Variants in ANKRD13C observed in about 807,000 individuals in gnomAD.
ANKRD13C encodes the protein ankyrin repeat domain-containing protein 13C.
Under a neutral mutation model 65.5 loss-of-function variants are expected in ANKRD13C, and 16 were observed. The observed-to-expected ratio is 0.24, with a 90% CI of 0.17 to 0.37. ANKRD13C has a LOEUF of 0.37. ANKRD13C is among the 10% of genes least tolerant of loss of function. ANKRD13C has a pLI of 1.00. For missense variants in ANKRD13C, 503 were observed against 655.9 expected, an observed-to-expected ratio of 0.77 and a Z score of 2.55; for synonymous variants, 235 against 238.7, an observed-to-expected ratio of 0.98 and a Z score of 0.14.
chr1:70,336,882 T>C (rs1213625010), intron 1 of ANKRD13C, among the ~76,000 whole-genome samples: 2 of 152,206 alleles, frequency 1.3e-5, no homozygotes, highest in African/African-American at 4.8e-5. Flanking sequence ...GTTGATGTTA[T>C]AGAATGACGA....
intron 7 of ANKRD13C, among the ~76,000 whole-genome samples, chr1:70,297,528 G>A (rs1161658664): frequency 5.4e-5 from 8 of 147,738 alleles, no homozygotes; most frequent in African/African-American, 1.7e-4. Context: ...TCCTGACCTC[G>A]TGATCCGCCC....
intron 1 of ANKRD13C, among the ~76,000 whole-genome samples, chr1:70,339,890 C>T (rs1451004374): frequency 4.0e-5 from 6 of 149,716 alleles, no homozygotes; most frequent in Non-Finnish European, 7.4e-5. Flanking sequence ...TGCTCTGTCA[C>T]CCAGGCTGGA....
At chr1:70,268,990 T>C (rs539281863) in intron 12 of ANKRD13C, among the ~76,000 whole-genome samples, 3 of 152,160 alleles carry the variant, frequency 2.0e-5, no homozygotes, top group African/African-American at 7.2e-5. Flanking sequence ...CTGCACCCAC[T>C]AACTCGTCAT....
chr1:70,273,003 A>G (rs1042947185), intron 11 of ANKRD13C, among the ~76,000 whole-genome samples: 1 of 150,914 alleles, frequency 6.6e-6, no homozygotes, highest in Non-Finnish European at 1.5e-5. Flanking sequence ...ATAAATAAAT[A>G]AATAAATAAA....
chr1:70,340,828 T>TG (rs1682275526), intron 1 of ANKRD13C, among the ~76,000 whole-genome samples: 1 of 152,100 alleles, frequency 6.6e-6, no homozygotes, highest in African/African-American at 2.4e-5. Context: ...TAAAACCTAT[T>TG]GGGGGCGGGC....
intron 1 of ANKRD13C, among the ~76,000 whole-genome samples, chr1:70,353,028 C>T (rs530691648): frequency 6.6e-6 from 1 of 152,256 alleles, no homozygotes; most frequent in Admixed American, 6.5e-5. Flanking sequence ...ATTTTGAGCA[C>T]AAAGTTGGTT....
chr1:70,275,423 T>A (rs1367714501), intron 10 of ANKRD13C, among the ~76,000 whole-genome samples: 2 of 152,102 alleles, frequency 1.3e-5, no homozygotes, highest in African/African-American at 4.8e-5. Flanking sequence ...GGTGATCTGG[T>A]TATTTCAAAG....
At chr1:70,300,227 T>A (rs1558283128) in intron 7 of ANKRD13C, among the ~76,000 whole-genome samples, 2 of 152,174 alleles carry the variant, frequency 1.3e-5, no homozygotes, top group Non-Finnish European at 2.9e-5. Flanking sequence ...ATCTAGGAGA[T>A]AATCAGTTGA....
intron 8 of ANKRD13C, among the ~76,000 whole-genome samples, chr1:70,295,408 C>T (rs1482967647): frequency 6.6e-6 from 1 of 151,860 alleles, no homozygotes; most frequent in Non-Finnish European, 1.5e-5. Context: ...CCACCACGCC[C>T]GGGTAATTTT....
chr1:70,335,531 A>G (rs1032401826), intron 2 of ANKRD13C, among the ~76,000 whole-genome samples: 4 of 151,922 alleles, frequency 2.6e-5, no homozygotes, highest in Non-Finnish European at 4.4e-5. Context: ...CTAAATAACT[A>G]AAGTTTTACT....
intron 12 of ANKRD13C, among the ~76,000 whole-genome samples, chr1:70,264,931 G>C (rs1009064585): frequency 1.3e-5 from 2 of 152,144 alleles, no homozygotes; most frequent in Admixed American, 6.5e-5. Context: ...CAGTTGCCTG[G>C]AGGACGAAAA....
chr1:70,341,363 G>GTTTTT (rs35739788), intron 1 of ANKRD13C, among the ~76,000 whole-genome samples: 2 of 109,160 alleles, frequency 1.8e-5, no homozygotes, highest in African/African-American at 7.3e-5. Context: ...CTTTTTGTGT[G>GTTTTT]TTTTTTTTTT....
intron 5 of ANKRD13C, among the ~76,000 whole-genome samples, chr1:70,313,257 G>C (rs1371740412): frequency 6.6e-6 from 1 of 152,138 alleles, no homozygotes; most frequent in African/African-American, 2.4e-5. Flanking sequence ...GGCCAGATGT[G>C]GTGGCTCACT....
chr1:70,289,476 T>TG (rs991268586), intron 9 of ANKRD13C, among the ~76,000 whole-genome samples: 3 of 152,176 alleles, frequency 2.0e-5, no homozygotes, highest in African/African-American at 7.2e-5. Context: ...ATTATTATTT[T>TG]TTTTTTTTGA....
intron 5 of ANKRD13C, among the ~76,000 whole-genome samples, chr1:70,306,708 G>A (rs1680601458): frequency 6.6e-6 from 1 of 152,156 alleles, no homozygotes; most frequent in Non-Finnish European, 1.5e-5. Flanking sequence ...ATAATAGAAA[G>A]AGACATCTTT....
At chr1:70,313,397 G>A (rs948585240) in intron 5 of ANKRD13C, among the ~76,000 whole-genome samples, 4 of 151,956 alleles carry the variant, frequency 2.6e-5, no homozygotes, top group Admixed American at 6.6e-5. Context: ...AGGTGTGACG[G>A]CATGTGCCTG....
intron 5 of ANKRD13C, among the ~76,000 whole-genome samples, chr1:70,309,674 C>G (rs1410194444): frequency 6.9e-6 from 1 of 145,018 alleles, no homozygotes; most frequent in Non-Finnish European, 1.5e-5. Context: ...TGCAGTGAGC[C>G]GAGATCGCGC....
chr1:70,354,499 G>A lies in ANKRD13C; in HGVS notation c.-91C>T. ...GCGGCACAAGGCGATTAGAGCGGTG[G>A]CCAAGAGCCTCCAGCGCAGCATGAA... On this transcript the variant is annotated 5_prime_UTR_variant, in exon 1 of 13. Transcript: ENST00000370944. The A allele has an allele frequency of 6.8e-7, 1 of 1,478,240 alleles. No individual in the cohort carries two copies. Among genetic ancestry groups the A allele is most frequent in the Non-Finnish European group, 8.9e-7 (1 of 1,118,958 alleles). 91.6% of individuals were successfully genotyped at this position (1,478,240 alleles called of 1,614,324 possible). A position where few individuals can be genotyped will look rare whatever the true frequency, so the allele number is the denominator to read the frequency against.
intron 9 of ANKRD13C, among the ~76,000 whole-genome samples, chr1:70,284,925 G>A (rs1412898942): frequency 6.6e-6 from 1 of 152,002 alleles, no homozygotes; most frequent in Non-Finnish European, 1.5e-5. Flanking sequence ...TCCAATAAAT[G>A]TCATTTTTAA....
Sources: allele counts gnomAD v4.1 joint callset (sites outside exome capture counted in the v4.1 genomes callset), GRCh38; gene constraint gnomAD v4.1.1; transcripts MANE v1.5; gene names NCBI Gene and HGNC (gene_info 2026-07-23, HGNC 2026-07-21).